CNGB1: variants seen among roughly 807,000 people sequenced by gnomAD.
CNGB1 encodes cyclic nucleotide-gated channel beta-1.
A neutral mutation model predicts 151.7 loss-of-function variants in CNGB1; 126 were observed. That is an observed-to-expected ratio of 0.83 (90% CI 0.72 to 0.96). The LOEUF (loss-of-function observed/expected upper bound fraction) is 0.96, where lower values mean the gene tolerates loss of function less well. CNGB1 is among the 40% of genes least tolerant of loss of function. The pLI is 0.00. For missense variants in CNGB1, 1,698 were observed against 1,627.0 expected, an observed-to-expected ratio of 1.04 and a Z score of -0.75; for synonymous variants, 623 against 635.1, an observed-to-expected ratio of 0.98 and a Z score of 0.29.
At chr16:57,911,950 C>T in intron 24 of CNGB1, 75 bp from the exon 25 acceptor site, 1 of 1,594,350 alleles carries the variant, frequency 6.3e-7, no homozygotes, top group South Asian at 1.1e-5. Flanking sequence ...ACAGTGAGAG[C>T]CAACCCATGG....
chr16:57,943,981 G>A (rs553979293), intron 14 of CNGB1, among the ~76,000 whole-genome samples: 7 of 151,632 alleles, frequency 4.6e-5, no homozygotes, highest in African/African-American at 1.5e-4. Context: ...TCAGCCTCCC[G>A]AGTTCAAGTG....
chr16:57,917,271 G>A lies in CNGB1; in HGVS notation c.2163C>T (p.Ile721=), dbSNP rs1960894433. 1 of 1,612,180 alleles carries A rather than the reference G, an allele frequency of 6.2e-7. No homozygotes were observed. Among genetic ancestry groups the A allele is most frequent in the African/African-American group, 1.3e-5 (1 of 74,876 alleles). Residue 721 remains isoleucine, a synonymous_variant, in exon 21 of 33, where the codon ATC becomes ATT. Coordinates refer to ENST00000251102, the MANE Select transcript of CNGB1 (RefSeq NM_001297.5). ...ACACCACCTGCCTGTGACTCACAAT[G>A]ATGTCCCCGCCTCTGACAAACTGCA... ...TRLQFVRGGD[I]ITDKKDMRNN...
intron 25 of CNGB1, among the ~76,000 whole-genome samples, chr16:57,905,585 C>T (rs558432290): frequency 5.3e-5 from 8 of 152,350 alleles, no homozygotes; most frequent in African/African-American, 1.4e-4. Flanking sequence ...ATGTGTCCCC[C>T]GAAATTCAGG....
chr16:57,957,508 G>A, intron 11 of CNGB1, 131 bp from the exon 12 acceptor site: 1 of 774,992 alleles, frequency 1.3e-6, no homozygotes, highest in South Asian at 1.5e-5. Context: ...GGATGGAGAA[G>A]AGAGTCCCTG....
At chr16:57,951,657 C>T (rs1386999987) in intron 12 of CNGB1, among the ~76,000 whole-genome samples, 1 of 152,142 alleles carries the variant, frequency 6.6e-6, no homozygotes, top group East Asian at 1.9e-4. Flanking sequence ...TGTTCCAGGC[C>T]CTGTGCTGAA....
chr16:57,920,353 C>T (rs1335802183), intron 19 of CNGB1, 34 bp downstream of exon 19: 9 of 1,613,056 alleles, frequency 5.6e-6, no homozygotes, highest in Non-Finnish European at 7.6e-6. Context: ...ACCCCATCCC[C>T]ATCCAGGTAG....
At chr16:57,948,942 T>C (rs1314036939) in intron 14 of CNGB1, among the ~76,000 whole-genome samples, 1 of 151,920 alleles carries the variant, frequency 6.6e-6, no homozygotes, top group Non-Finnish European at 1.5e-5. Flanking sequence ...GGTGGGTGGA[T>C]ATGGAGGGGA....
rs1960489560 is a variant in CNGB1 at position 57,904,615 on chromosome 16, T to C, written c.2634+119A>G. The C allele has an allele frequency of 2.1e-6, 3 of 1,401,282 alleles. No individual in the cohort carries two copies. In the South Asian group the frequency reaches 3.5e-5, roughly 16 times the overall value. 86.8% of individuals were successfully genotyped at this position (1,401,282 alleles called of 1,614,324 possible). A position where few individuals can be genotyped will look rare whatever the true frequency, so the allele number is the denominator to read the frequency against. Reference sequence around the variant, plus strand: ...TGCTCCAGGCTCCTGACTCTCAGTCTAGTGCCCTTTCCCAGGCTTAATCCA... The same window carrying C: ...TGCTCCAGGCTCCTGACTCTCAGTCCAGTGCCCTTTCCCAGGCTTAATCCA... On this transcript the variant is annotated intron_variant, in intron 26 of 32. Transcript: ENST00000251102.
intron 16 of CNGB1, among the ~76,000 whole-genome samples, chr16:57,934,845 T>C (rs775062247): frequency 3.3e-5 from 5 of 151,636 alleles, no homozygotes; most frequent in Non-Finnish European, 7.4e-5. Flanking sequence ...TAATCCCAGC[T>C]ACTCAGGAGG....
At chr16:57,927,369 G>A (rs772971714) in intron 17 of CNGB1, among the ~76,000 whole-genome samples, 3 of 152,166 alleles carry the variant, frequency 2.0e-5, no homozygotes, top group Admixed American at 6.5e-5. Flanking sequence ...CAGCCCCACC[G>A]CCCTCGGCCT....
At chr16:57,928,421 A>C (rs746703536) in intron 17 of CNGB1, among the ~76,000 whole-genome samples, 14 of 152,254 alleles carry the variant, frequency 9.2e-5, no homozygotes, top group Non-Finnish European at 1.9e-4. Flanking sequence ...AGCCATCATA[A>C]GTGAGCATTA....
At chr16:57,904,257 G>A (rs1216545928) in intron 26 of CNGB1, among the ~76,000 whole-genome samples, 1 of 152,170 alleles carries the variant, frequency 6.6e-6, no homozygotes, top group East Asian at 1.9e-4. Flanking sequence ...AAAGCTCCTT[G>A]GGCTGGGCTG....
At chr16:57,899,170 G>A (rs1279880003) in intron 29 of CNGB1, among the ~76,000 whole-genome samples, 3 of 152,278 alleles carry the variant, frequency 2.0e-5, no homozygotes, top group African/African-American at 4.8e-5. Flanking sequence ...AAGTTAAACC[G>A]AATGCATGCA....
At chr16:57,939,735 C>T in intron 15 of CNGB1, 143 bp from the exon 16 acceptor site, 1 of 1,171,684 alleles carries the variant, frequency 8.5e-7, no homozygotes, top group Non-Finnish European at 1.3e-6. Flanking sequence ...GTCCTGCCAG[C>T]CCACCTTCTG....
chr16:57,902,267 C>T (rs1168189712), intron 27 of CNGB1, among the ~76,000 whole-genome samples: 1 of 151,954 alleles, frequency 6.6e-6, no homozygotes, highest in Non-Finnish European at 1.5e-5. Context: ...AACGGGGTTT[C>T]ACCATGTTGG....
intron 14 of CNGB1, 77 bp downstream of exon 14, chr16:57,949,276 A>T (rs1961886160): frequency 8.8e-6 from 14 of 1,598,658 alleles, no homozygotes; most frequent in Non-Finnish European, 1.1e-5. Flanking sequence ...CATGAGCAGC[A>T]AAGAGTGCCC....
At chr16:57,942,070 T>C (rs761354083) in intron 14 of CNGB1, among the ~76,000 whole-genome samples, 1 of 152,036 alleles carries the variant, frequency 6.6e-6, no homozygotes, top group African/African-American at 2.4e-5. Context: ...TTAGTAGAGA[T>C]AGGGTCTTGC....
Position 57,915,348 on chromosome 16 carries a change from T to G in CNGB1, c.2218-13A>C. On this transcript the variant is annotated splice_polypyrimidine_tract_variant and intron_variant, in intron 22 of 32. Coordinates refer to ENST00000251102, the MANE Select transcript of CNGB1 (RefSeq NM_001297.5). ...TGAGCAGGTCCATCTGAAATCCCAG[T>G]GGGACACCATGGGGGTAAAACGGAT... The G allele has an allele frequency of 6.3e-7, 1 of 1,593,160 alleles. No homozygotes were observed.
At chr16:57,958,729 G>A (rs988536701) in intron 10 of CNGB1, among the ~76,000 whole-genome samples, 16 of 120,272 alleles carry the variant, frequency 1.3e-4, no homozygotes, top group South Asian at 2.9e-4. Context: ...ACCCGTTCTC[G>A]GAAGGGAGTG....
Sources: gnomAD v4.1 joint callset for allele counts (sites outside exome capture counted in the v4.1 genomes callset) on GRCh38, gnomAD v4.1.1 for gene constraint, MANE v1.5 for transcripts, NCBI Gene and HGNC (gene_info 2026-07-23, HGNC 2026-07-21) for gene names.